The following ZFPM2 variants were observed in gnomAD, a reference collection of about 807,000 sequenced individuals.
ZFPM2 encodes the protein zinc finger protein ZFPM2.
In ZFPM2, 20 loss-of-function variants were observed where a neutral mutation model predicts 98.6. The ratio of observed to expected loss-of-function variants is 0.20; its 90% CI spans 0.14 to 0.29. ZFPM2 has a LOEUF of 0.29. ZFPM2 is among the 10% of genes least tolerant of loss of function. ZFPM2 has a pLI of 1.00. For missense variants in ZFPM2, 1,310 were observed against 1,388.6 expected (o/e 0.94, Z 0.90); for synonymous variants, 518 against 502.7 (o/e 1.03, Z -0.41).
Position 105,322,408 on chromosome 8 carries a change from A to G in ZFPM2, c.40+3427A>G, listed in dbSNP as rs183004199. ...CTTATATGTCCCCAACTCCAGTCAC[A>G]CTGAAGTGTATTGGCTATGGGTGCA... On this transcript the variant is annotated intron_variant, in intron 1 of 7. Coordinates refer to ENST00000407775, the MANE Select transcript of ZFPM2 (RefSeq NM_012082.4). Among the ~76,000 whole-genome samples the G allele has an allele frequency of 2.1e-3, 312 of 148,410 alleles. 2 individuals are homozygous for G. The highest frequency in any genetic ancestry group is 7.4e-3 in the African/African-American group (301 of 40,638).
intron 1 of ZFPM2, among the ~76,000 whole-genome samples, chr8:105,398,896 A>T (rs1374271953): frequency 2.0e-5 from 3 of 152,180 alleles, no homozygotes; most frequent in Non-Finnish European, 4.4e-5. Context: ...GAGAGAGAGG[A>T]TAGACTGGCT....
At chr8:105,411,232 G>A (rs1387230732) in intron 1 of ZFPM2, among the ~76,000 whole-genome samples, 1 of 151,830 alleles carries the variant, frequency 6.6e-6, no homozygotes, top group African/African-American at 2.4e-5. Context: ...AGTTGCAAAT[G>A]TGGGTAAGAT....
chr8:105,375,552 G>T (rs1006293163), intron 1 of ZFPM2, among the ~76,000 whole-genome samples: 1 of 152,120 alleles, frequency 6.6e-6, no homozygotes, highest in Non-Finnish European at 1.5e-5. Flanking sequence ...CCAACTGCTG[G>T]TAACTCTGGC....
At chr8:105,594,204 T>C (rs1373340527) in intron 4 of ZFPM2, among the ~76,000 whole-genome samples, 1 of 152,124 alleles carries the variant, frequency 6.6e-6, no homozygotes, top group African/African-American at 2.4e-5. Context: ...TCCAGCTAAC[T>C]TGCCTAATTT....
chr8:105,699,366 G>A (rs1304157549), intron 5 of ZFPM2, among the ~76,000 whole-genome samples: 1 of 152,092 alleles, frequency 6.6e-6, no homozygotes, highest in Admixed American at 6.5e-5. Flanking sequence ...ATTTCCAAGA[G>A]AGATGATGTT....
intron 5 of ZFPM2, among the ~76,000 whole-genome samples, chr8:105,785,385 A>G (rs182326295): frequency 1.2e-3 from 168 of 142,628 alleles, no homozygotes; most frequent in African/African-American, 5.1e-3. Flanking sequence ...AGTGTAAGTC[A>G]CAGTTCTGCC....
At chr8:105,675,703 T>G (rs560732129) in intron 5 of ZFPM2, among the ~76,000 whole-genome samples, 10 of 152,230 alleles carry the variant, frequency 6.6e-5, no homozygotes, top group African/African-American at 2.4e-4. Flanking sequence ...AGGCGGAGAT[T>G]GTCAGAAGGA....
chr8:105,653,796 A>C (rs1817227863), intron 5 of ZFPM2, among the ~76,000 whole-genome samples: 1 of 151,164 alleles, frequency 6.6e-6, no homozygotes, highest in Non-Finnish European at 1.5e-5. Flanking sequence ...ATAAAGGAAA[A>C]ATAAGAATGT....
intron 5 of ZFPM2, among the ~76,000 whole-genome samples, chr8:105,777,559 G>A (rs1216276564): frequency 6.6e-6 from 1 of 152,178 alleles, no homozygotes; most frequent in African/African-American, 2.4e-5. Flanking sequence ...GTGCCAGCAT[G>A]GGAAAGTTGA....
At chr8:105,448,705 T>C (rs1188687660) in intron 3 of ZFPM2, among the ~76,000 whole-genome samples, 1 of 152,096 alleles carries the variant, frequency 6.6e-6, no homozygotes, top group Non-Finnish European at 1.5e-5. Context: ...AGCTTCAGTT[T>C]CCTTATCTTT....
intron 5 of ZFPM2, among the ~76,000 whole-genome samples, chr8:105,750,562 A>C (rs1167996982): frequency 6.6e-6 from 1 of 152,044 alleles, no homozygotes; most frequent in Admixed American, 6.6e-5. Context: ...TGTGTTAGGA[A>C]AATATTTCTG....
intron 3 of ZFPM2, among the ~76,000 whole-genome samples, chr8:105,455,864 T>C (rs1812579440): frequency 6.6e-6 from 1 of 152,174 alleles, no homozygotes; most frequent in East Asian, 1.9e-4. Context: ...CAAATGGAGC[T>C]GTTGAGTAGA....
intron 5 of ZFPM2, among the ~76,000 whole-genome samples, chr8:105,728,339 C>T (rs184612134): frequency 2.4e-4 from 37 of 151,786 alleles, no homozygotes; most frequent in Non-Finnish European, 5.0e-4. Flanking sequence ...CCGAAAATCT[C>T]AGTGGCTTAA....
intron 5 of ZFPM2, among the ~76,000 whole-genome samples, chr8:105,655,031 A>G (rs569251467): frequency 1.1e-4 from 17 of 152,140 alleles, no homozygotes; most frequent in Non-Finnish European, 2.5e-4. Context: ...TTAGATTGCA[A>G]CTTATTTACA....
chr8:105,422,047 CA>C lies in ZFPM2; in HGVS notation c.199+2767del, dbSNP rs747630701. Among the ~76,000 whole-genome samples, 176 of 51,556 alleles carry C rather than the reference CA, an allele frequency of 3.4e-3. No individual in the cohort carries two copies. In the Middle Eastern group the frequency reaches 0.056, roughly 16 times the overall value. The allele number at this position is 51,556 out of a possible 152,430, so 33.8% of individuals were successfully genotyped here. A position where few individuals can be genotyped will look rare whatever the true frequency, so the allele number is the denominator to read the frequency against. Reference sequence around the variant, plus strand: ...GTGCGACGGGAGCGAGACTCCATCTCAAAAAAAAAAAAAAAAAAAAAAGGTA... The same window carrying C: ...GTGCGACGGGAGCGAGACTCCATCTCAAAAAAAAAAAAAAAAAAAAAGGTA... On this transcript the variant is annotated intron_variant, in intron 2 of 7. Transcript: ENST00000407775.
chr8:105,751,403 T>G (rs1586238663), intron 5 of ZFPM2, among the ~76,000 whole-genome samples: 1 of 152,212 alleles, frequency 6.6e-6, no homozygotes, highest in East Asian at 1.9e-4. Flanking sequence ...TAACGAATGT[T>G]TGTTACCGCA....
chr8:105,385,198 A>AT (rs1810963847), intron 1 of ZFPM2, among the ~76,000 whole-genome samples: 1 of 152,162 alleles, frequency 6.6e-6, no homozygotes, highest in Non-Finnish European at 1.5e-5. Context: ...CCTCATGCAT[A>AT]TTTTGGAGGA....
chr8:105,603,633 A>G (rs1759961343), intron 4 of ZFPM2, among the ~76,000 whole-genome samples: 1 of 152,118 alleles, frequency 6.6e-6, no homozygotes, highest in African/African-American at 2.4e-5. Flanking sequence ...CGTGGAAATT[A>G]TGATCTTTTG....
intron 2 of ZFPM2, among the ~76,000 whole-genome samples, chr8:105,426,174 C>CT (rs906113340): frequency 3.9e-5 from 6 of 152,014 alleles, no homozygotes; most frequent in African/African-American, 1.4e-4. Context: ...AACTTTTTTC[C>CT]TTTTTTCTTA....
Sources: allele counts gnomAD v4.1 joint callset (sites outside exome capture counted in the v4.1 genomes callset), GRCh38; gene constraint gnomAD v4.1.1; transcripts MANE v1.5; gene names NCBI Gene and HGNC (gene_info 2026-07-23, HGNC 2026-07-21).